The following NDST3 variants were observed in gnomAD, a reference collection of about 807,000 sequenced individuals.
NDST3 encodes N-deacetylase and N-sulfotransferase 3.
A neutral mutation model predicts 96.1 loss-of-function variants in NDST3; 58 were observed. The observed-to-expected ratio is 0.60, with a 90% CI of 0.49 to 0.75. The LOEUF (loss-of-function observed/expected upper bound fraction) is 0.75, where lower values mean the gene tolerates loss of function less well. NDST3 is among the 30% of genes least tolerant of loss of function. The pLI, the probability that NDST3 is intolerant of heterozygous loss-of-function variation, is 0.00. For missense variants in NDST3, 788 were observed against 1,034.2 expected (o/e 0.76, Z 3.27); for synonymous variants, 333 against 359.7 (o/e 0.93, Z 0.84).
chr4:118,114,208 T>C (rs1037280094), intron 3 of NDST3, among the ~76,000 whole-genome samples: 1 of 152,168 alleles, frequency 6.6e-6, no homozygotes, highest in Non-Finnish European at 1.5e-5. Context: ...GTGGTGACCA[T>C]GATTTCACCA....
chr4:118,137,501 T>C (rs1237826505), intron 4 of NDST3, among the ~76,000 whole-genome samples: 2 of 152,132 alleles, frequency 1.3e-5, no homozygotes, highest in Non-Finnish European at 2.9e-5. Flanking sequence ...TACCACATTA[T>C]CCAATCAAAA....
chr4:118,080,664 T>G (rs1339382423), intron 2 of NDST3, among the ~76,000 whole-genome samples: 1 of 152,296 alleles, frequency 6.6e-6, no homozygotes, highest in East Asian at 1.9e-4. Flanking sequence ...ATGGTGATGT[T>G]ATGTGCCATA....
At chr4:118,070,652 T>C (rs1435255559) in intron 2 of NDST3, among the ~76,000 whole-genome samples, 2 of 151,906 alleles carry the variant, frequency 1.3e-5, no homozygotes, top group Admixed American at 1.3e-4. Flanking sequence ...CCATTCTTTT[T>C]TTTTTTTTTG....
intron 6 of NDST3, among the ~76,000 whole-genome samples, chr4:118,196,958 T>A (rs1560711510): frequency 6.6e-6 from 1 of 151,392 alleles, no homozygotes; most frequent in Non-Finnish European, 1.5e-5. Flanking sequence ...TTTTTTTTTT[T>A]AATGTAGGCA....
In NDST3 at chr4:118,224,589, C is replaced by G; in HGVS notation, c.1638C>G (p.Asn546Lys). ...CCAACTTTGTGAAGAGCTGGACCAA[C>G]CTGCGACTTCAGACTCTGCCTCCAG... ...NLANFVKSWTNLRLQTLPPVQ... is the reference protein window; with the variant it reads ...NLANFVKSWTKLRLQTLPPVQ... The change falls in exon 7 of 14, where the codon AAC becomes AAG. Residue 546 changes from asparagine to lysine, a missense_variant. Asn to Lys is a moderately conservative substitution (Grantham distance 94). This residue lies in a region of NDST3 where 490 missense variants were observed against 708.8 expected (regional missense o/e 0.69). Transcript: ENST00000296499. The G allele has an allele frequency of 4.3e-6, 7 of 1,612,946 alleles. No individual in the cohort carries two copies. Among genetic ancestry groups the G allele is most frequent in the Non-Finnish European group, 5.9e-6 (7 of 1,179,330 alleles).
chr4:118,199,772 C>T (rs986557790), intron 6 of NDST3, among the ~76,000 whole-genome samples: 4 of 152,134 alleles, frequency 2.6e-5, no homozygotes, highest in African/African-American at 9.7e-5. Flanking sequence ...TTAGAGAGGA[C>T]CCCCAAGACC....
chr4:118,040,696 C>T (rs1418442378), intron 1 of NDST3, among the ~76,000 whole-genome samples: 1 of 151,132 alleles, frequency 6.6e-6, no homozygotes, highest in African/African-American at 2.4e-5. Context: ...TTTGTTGTTG[C>T]TTTTGAGACA....
At chr4:118,215,766 C>T (rs960947848) in intron 6 of NDST3, among the ~76,000 whole-genome samples, 5 of 152,036 alleles carry the variant, frequency 3.3e-5, no homozygotes, top group Admixed American at 3.3e-4. Flanking sequence ...TTGCTTGACA[C>T]TCCAGGTGTC....
At chr4:118,066,478 A>G (rs191730011) in intron 2 of NDST3, among the ~76,000 whole-genome samples, 2 of 8,156 alleles carry the variant, frequency 2.5e-4, no homozygotes, top group Non-Finnish European at 1.0e-3. Context: ...TATGTTATAT[A>G]TTATATATAC....
intron 1 of NDST3, among the ~76,000 whole-genome samples, chr4:118,040,956 C>T (rs1724428992): frequency 6.8e-6 from 1 of 148,022 alleles, no homozygotes; most frequent in Non-Finnish European, 1.5e-5. Context: ...GCTGTGTTGC[C>T]CAGGCTGGTC....
Position 118,092,064 on chromosome 4 carries a change from A to ATTTG in NDST3, c.982-12951_982-12950insGTTT, listed in dbSNP as rs1255356448. Among the ~76,000 whole-genome samples the ATTTG allele has an allele frequency of 3.2e-4, 48 of 150,088 alleles. No homozygotes were observed. The East Asian group carries it at 7.6e-3, about 24-fold the overall frequency. ...TAGGTATTTTCTTATTTATTTATTT[A>ATTTG]TTTATTTATTTATTATATTTTAAGT... On this transcript the variant is annotated intron_variant, in intron 2 of 13. Transcript: ENST00000296499.
intron 6 of NDST3, among the ~76,000 whole-genome samples, chr4:118,192,488 T>C (rs968570583): frequency 6.6e-5 from 10 of 152,178 alleles, no homozygotes; most frequent in African/African-American, 2.4e-4. Context: ...TCTAGTTTCA[T>C]TCTTCTGCAT....
At chr4:118,057,372 A>G (rs1430822483) in intron 2 of NDST3, among the ~76,000 whole-genome samples, 4 of 152,012 alleles carry the variant, frequency 2.6e-5, no homozygotes, top group Admixed American at 2.6e-4. Context: ...CCTCACAGGA[A>G]AAGTCTGGGT....
chr4:118,229,152 C>T (rs1334127148), intron 8 of NDST3, among the ~76,000 whole-genome samples: 1 of 151,714 alleles, frequency 6.6e-6, no homozygotes. Context: ...AATACAAAAA[C>T]TAGCCAGGCG....
At chr4:118,038,019 C>A (rs1724246728) in intron 1 of NDST3, among the ~76,000 whole-genome samples, 1 of 152,154 alleles carries the variant, frequency 6.6e-6, no homozygotes, top group Admixed American at 6.5e-5. Flanking sequence ...ACATAGCCAA[C>A]ACTGATCTGT....
At chr4:118,194,665 C>A in intron 6 of NDST3, 1 of 649,230 alleles carries the variant, frequency 1.5e-6, no homozygotes. Context: ...ATGCCTTCCT[C>A]CTGTTTGGGC....
At chr4:118,116,053 T>C (rs977961215) in intron 4 of NDST3, among the ~76,000 whole-genome samples, 2 of 152,198 alleles carry the variant, frequency 1.3e-5, no homozygotes, top group Admixed American at 1.3e-4. Context: ...AGGAGAGTCA[T>C]CTTTTTTCCT....
intron 2 of NDST3, among the ~76,000 whole-genome samples, chr4:118,100,914 T>A (rs1048989089): frequency 6.6e-6 from 1 of 152,118 alleles, no homozygotes; most frequent in Non-Finnish European, 1.5e-5. Flanking sequence ...CACATAGGCA[T>A]AGGAGCTTAT....
At chr4:118,252,816 G>A (rs570790450) in intron 12 of NDST3, among the ~76,000 whole-genome samples, 5 of 152,264 alleles carry the variant, frequency 3.3e-5, no homozygotes, top group South Asian at 4.1e-4. Flanking sequence ...ACTTGAACCC[G>A]AGAGGTGGAG....
Sources: gnomAD v4.1 joint callset for allele counts (sites outside exome capture counted in the v4.1 genomes callset) on GRCh38, gnomAD v4.1.1 for gene constraint, gnomAD v4.1.1 regional missense constraint, MANE v1.5 for transcripts, NCBI Gene and HGNC (gene_info 2026-07-23, HGNC 2026-07-21) for gene names.